The following KAZN variants were observed in gnomAD, a reference collection of about 807,000 sequenced individuals.
KAZN encodes the protein kazrin, periplakin interacting protein, also known as kazrin.
In KAZN, 40 loss-of-function variants were observed where a neutral mutation model predicts 87.4. That is an observed-to-expected ratio of 0.46 (90% CI 0.36 to 0.60). The LOEUF is 0.60. KAZN is among the 20% of genes least tolerant of loss of function. The probability of loss-of-function intolerance (pLI) is 0.00; values close to 1 mark genes in which losing one functional copy is unlikely to be tolerated. For missense variants in KAZN, 898 were observed against 1,073.9 expected (o/e 0.84, Z 2.29); for synonymous variants, 466 against 458.3 (o/e 1.02, Z -0.22).
At chr1:14,988,838 G>C (rs981970808) in intron 2 of KAZN, among the ~76,000 whole-genome samples, 2 of 152,132 alleles carry the variant, frequency 1.3e-5, no homozygotes, top group Non-Finnish European at 2.9e-5. Context: ...CCAGCTGCAG[G>C]CCACGGCCCT....
intron 1 of KAZN, among the ~76,000 whole-genome samples, chr1:14,636,816 G>T (rs1336926805): frequency 6.6e-6 from 1 of 152,212 alleles, no homozygotes; most frequent in African/African-American, 2.4e-5. Flanking sequence ...GCTAATTTGT[G>T]AGATACCATC....
intron 2 of KAZN, among the ~76,000 whole-genome samples, chr1:14,373,070 G>A (rs1187389571): frequency 2.0e-5 from 3 of 152,032 alleles, no homozygotes; most frequent in Non-Finnish European, 4.4e-5. Context: ...ACCAGCTGGA[G>A]GGACTATAAT....
chr1:14,918,746 A>C (rs978317091), intron 1 of KAZN, among the ~76,000 whole-genome samples: 20 of 129,832 alleles, frequency 1.5e-4, no homozygotes, highest in Middle Eastern at 4.3e-3. Flanking sequence ...ATATATATAT[A>C]TATCCTGGGA....
intron 2 of KAZN, among the ~76,000 whole-genome samples, chr1:14,477,592 C>A (rs1668823308): frequency 6.6e-6 from 1 of 152,116 alleles, no homozygotes; most frequent in Non-Finnish European, 1.5e-5. Context: ...GGGCTGCCAG[C>A]CACTTGGTTC....
chr1:14,825,490 C>G lies in KAZN; in HGVS notation c.227-135194C>G, dbSNP rs977471466. On this transcript the variant is annotated intron_variant, in intron 1 of 14. Transcript: ENST00000376030. ...ACGATGTTGTATGTAAAAGAGCTGT[C>G]TGTGCCTCCAGGCATGAGGGCTTTT... Among the ~76,000 whole-genome samples, 3 of 152,208 alleles carry G rather than the reference C, an allele frequency of 2.0e-5. No individual in the cohort carries two copies. The East Asian group carries it at 5.8e-4, about 29-fold the overall frequency.
chr1:14,303,302 G>A (rs1421215293), intron 2 of KAZN, among the ~76,000 whole-genome samples: 1 of 152,036 alleles, frequency 6.6e-6, no homozygotes, highest in Admixed American at 6.5e-5. Context: ...GGAGTGCCGT[G>A]GTGAGATCTT....
At chr1:14,256,819 G>C (rs113565234) in intron 2 of KAZN, among the ~76,000 whole-genome samples, 1,932 of 152,236 alleles carry the variant, frequency 0.013, 45 homozygotes, top group African/African-American at 0.043. Context: ...TCCCCATGAA[G>C]GGCTTTAGGG....
chr1:14,026,257 G>A (rs1365575243), intron 1 of KAZN, among the ~76,000 whole-genome samples: 2 of 151,968 alleles, frequency 1.3e-5, no homozygotes, highest in South Asian at 2.1e-4. Context: ...GATAACTCCC[G>A]AGGGCTGGCA....
At chr1:14,211,050 C>G (rs1255191778) in intron 2 of KAZN, among the ~76,000 whole-genome samples, 2 of 152,032 alleles carry the variant, frequency 1.3e-5, no homozygotes, top group African/African-American at 4.8e-5. Flanking sequence ...ATTTGGGAGA[C>G]ACACAGGAGT....
intron 2 of KAZN, among the ~76,000 whole-genome samples, chr1:14,500,724 A>T (rs1412867602): frequency 6.6e-6 from 1 of 152,160 alleles, no homozygotes; most frequent in African/African-American, 2.4e-5. Context: ...GACTCAAATG[A>T]CTTAAACCAG....
chr1:14,222,003 C>A, intron 2 of KAZN: 1 of 152,142 alleles, frequency 6.6e-6, no homozygotes, highest in East Asian at 1.9e-4. Flanking sequence ...TTGAAATTTG[C>A]TTCCTTAGGA....
At chr1:15,002,863 C>G (rs1668629829) in intron 2 of KAZN, among the ~76,000 whole-genome samples, 1 of 151,920 alleles carries the variant, frequency 6.6e-6, no homozygotes, top group South Asian at 2.1e-4. Context: ...GTAATCCCAG[C>G]TACTCAGGAG....
intron 2 of KAZN, among the ~76,000 whole-genome samples, chr1:14,224,023 G>T (rs542111115): frequency 6.6e-6 from 1 of 152,244 alleles, no homozygotes; most frequent in African/African-American, 2.4e-5. Context: ...CCTAAAATAA[G>T]ACCTACAGTC....
chr1:14,478,278 G>GAAGGAAGGAAGGA (rs565168333), intron 2 of KAZN, among the ~76,000 whole-genome samples: 10 of 148,750 alleles, frequency 6.7e-5, no homozygotes, highest in African/African-American at 2.0e-4. Flanking sequence ...AGGAAGAAAG[G>GAAGGAAGGAAGGA]AAGGAAGGAA....
chr1:14,943,037 T>G (rs1239621067), intron 1 of KAZN, among the ~76,000 whole-genome samples: 4 of 136,110 alleles, frequency 2.9e-5, no homozygotes, highest in African/African-American at 1.4e-4. Context: ...TGTGTGTGTG[T>G]GTGTGTGTGT....
At position 14,399,086 on chromosome 1, in the gene KAZN, C is replaced by T. The variant is rs147460312; in HGVS notation, c.250-199897C>T. ...TGTCACCCAGGCTAGAGTGCAGTGG[C>T]GCAATCACAGCTCACTGCAGCCTCG... On this transcript the variant is annotated intron_variant, in intron 2 of 16. Coordinates refer to the KAZN transcript ENST00000636203. Among the ~76,000 whole-genome samples the T allele has an allele frequency of 1.8e-3, 274 of 152,202 alleles. 2 individuals are homozygous for T. The highest frequency in any genetic ancestry group is 6.1e-3 in the African/African-American group (254 of 41,520).
chr1:14,164,711 T>G (rs1034538388), intron 1 of KAZN, among the ~76,000 whole-genome samples: 7 of 152,114 alleles, frequency 4.6e-5, no homozygotes. Context: ...TGGCTCATTT[T>G]GTACTTTTAG....
At chr1:14,362,450 C>T (rs568664460) in intron 2 of KAZN, among the ~76,000 whole-genome samples, 1 of 152,328 alleles carries the variant, frequency 6.6e-6, no homozygotes, top group East Asian at 1.9e-4. Flanking sequence ...ATGGAAGTAA[C>T]ATTTCAACAC....
chr1:13,894,830 C>A (rs138002996), intron 1 of KAZN, among the ~76,000 whole-genome samples: 1 of 152,138 alleles, frequency 6.6e-6, no homozygotes, highest in African/African-American at 2.4e-5. Context: ...CTCAGAGGAG[C>A]ACAGCTTGGT....
Sources: allele counts gnomAD v4.1 joint callset (sites outside exome capture counted in the v4.1 genomes callset), GRCh38; gene constraint gnomAD v4.1.1; transcripts MANE v1.5; gene names NCBI Gene and HGNC (gene_info 2026-07-23, HGNC 2026-07-21).